Variants in KCNQ1 observed in about 807,000 individuals in gnomAD.
KCNQ1 encodes the protein potassium voltage-gated channel subfamily Q member 1, also known as potassium voltage-gated channel subfamily KQT member 1.
KCNQ1 carries 49 observed loss-of-function variants against 72.4 expected under a neutral mutation model. That is an observed-to-expected ratio of 0.68 (90% CI 0.54 to 0.86). The LOEUF (loss-of-function observed/expected upper bound fraction) is 0.86, where lower values mean the gene tolerates loss of function less well. Ranked by LOEUF, KCNQ1 falls within the 40% of genes least tolerant of loss-of-function variation. The probability of loss-of-function intolerance (pLI) is 0.00; values close to 1 mark genes in which losing one functional copy is unlikely to be tolerated. For missense variants in KCNQ1, 790 were observed against 945.1 expected (o/e 0.84, Z 2.15); for synonymous variants, 450 against 412.6 (o/e 1.09, Z -1.10).
At position 2,585,321 on chromosome 11, in the gene KCNQ1, A is replaced by G; in HGVS notation, c.1128+14A>G. On this transcript the variant is annotated intron_variant, in intron 8 of 15. Coordinates refer to ENST00000155840, the MANE Select transcript of KCNQ1 (RefSeq NM_000218.3). ...TCACTCATTCAGGTGCGGTGCCTGC[A>G]AGGCCCTGGTCACTGTCATTTTGGT... is the stretch of plus-strand genomic sequence containing the variant. 1.9e-6 allele frequency: 3 copies of G among 1,609,138 alleles called. No homozygotes were observed. The highest frequency in any genetic ancestry group is 2.6e-6 in the Non-Finnish European group (3 of 1,175,770).
intron 11 of KCNQ1, chr11:2,666,556 C>T: frequency 7.5e-6 from 3 of 398,692 alleles, no homozygotes; most frequent in Admixed American, 8.8e-5. Flanking sequence ...CTCCTGAATT[C>T]TGCATTTGTC....
At chr11:2,806,985 G>A (rs527750415) in intron 15 of KCNQ1, among the ~76,000 whole-genome samples, 51 of 152,304 alleles carry the variant, frequency 3.3e-4, no homozygotes, top group East Asian at 2.3e-3. Context: ...GGGCTGGGGC[G>A]TAGCCCCTCT....
At chr11:2,733,908 G>A (rs1408701268) in intron 11 of KCNQ1, among the ~76,000 whole-genome samples, 3 of 135,182 alleles carry the variant, frequency 2.2e-5, no homozygotes, top group Admixed American at 8.0e-5. Flanking sequence ...CCTGCCAGGC[G>A]CACCACCCCC....
At chr11:2,556,967 C>T (rs1589948801) in intron 2 of KCNQ1, among the ~76,000 whole-genome samples, 3 of 152,328 alleles carry the variant, frequency 2.0e-5, no homozygotes, top group African/African-American at 4.8e-5. Flanking sequence ...CAAATGCCTC[C>T]AACTTCACAC....
Position 2,507,860 on chromosome 11 carries a change from G to A in KCNQ1, c.387-20068G>A, listed in dbSNP as rs74048646. 9.0e-3 allele frequency among the ~76,000 whole-genome samples: 1,368 copies of A among 152,238 alleles called. 27 individuals carry two copies. The highest frequency in any genetic ancestry group is 0.031 in the African/African-American group (1,307 of 41,528). ...GCAAGGAAGGCAAGTCCGGGAGGTT[G>A]GGTGTCCTGCAGCCTCCACAGGGGC... On this transcript the variant is annotated intron_variant, in intron 1 of 15. Transcript: ENST00000155840. The surrounding 1 kb of genome is among the most constrained non-coding windows in gnomAD (Gnocchi z 5.4).
At chr11:2,708,708 G>A (rs944158919) in intron 11 of KCNQ1, among the ~76,000 whole-genome samples, 7 of 151,840 alleles carry the variant, frequency 4.6e-5, no homozygotes, top group African/African-American at 1.2e-4. Context: ...CAGTTTATAC[G>A]CGGGTTGCGG....
At chr11:2,844,852 T>C (rs80095811) in intron 15 of KCNQ1, among the ~76,000 whole-genome samples, 1,983 of 152,296 alleles carry the variant, frequency 0.013, 39 homozygotes, top group African/African-American at 0.046. Context: ...GCCAAACCAA[T>C]TGATACCCAA....
At chr11:2,755,212 A>G (rs1365880899) in intron 11 of KCNQ1, among the ~76,000 whole-genome samples, 5 of 152,028 alleles carry the variant, frequency 3.3e-5, no homozygotes, top group African/African-American at 9.7e-5. Flanking sequence ...CTCTCTGACC[A>G]CAGCCAGGAA....
chr11:2,744,500 G>C (rs1246760377), intron 11 of KCNQ1, among the ~76,000 whole-genome samples: 1 of 152,248 alleles, frequency 6.6e-6, no homozygotes, highest in Non-Finnish European at 1.5e-5. Flanking sequence ...CTGACGCAGA[G>C]CCGGCACATG....
In KCNQ1 at chr11:2,645,330, G is replaced by A. The variant is rs998423976; in HGVS notation, c.1394-16631G>A. 18 of 398,632 alleles carry A rather than the reference G, an allele frequency of 4.5e-5. No individual in the cohort carries two copies. Among genetic ancestry groups the A allele is most frequent in the African/African-American group, 3.3e-4 (16 of 48,624 alleles). The allele number at this position is 398,632 out of a possible 1,614,324, so 24.7% of individuals were successfully genotyped here. ...TGCCAACAATACTGGATAGGGCAGG[G>A]TGATCCCTAGGCCCAGAGATGGTAT... On this transcript the variant is annotated intron_variant, in intron 10 of 15. Transcript: ENST00000155840. The surrounding 1 kb of genome is among the most constrained non-coding windows in gnomAD (Gnocchi z 5.8).
chr11:2,588,422 T>C lies in KCNQ1; in HGVS notation c.1252-291T>C, dbSNP rs576906619. On this transcript the variant is annotated intron_variant, in intron 9 of 15. Coordinates refer to ENST00000155840, the MANE Select transcript of KCNQ1 (RefSeq NM_000218.3). This position sits in a 1 kb window ranked among gnomAD's most constrained non-coding sequence, Gnocchi z 5.6. Reference sequence around the variant, plus strand: ...ATTCTCCCCTACTGGTCACAGCCCCTGTTACCACCTCCACTGGCACCATCT... The same window carrying C: ...ATTCTCCCCTACTGGTCACAGCCCCCGTTACCACCTCCACTGGCACCATCT... Among the ~76,000 whole-genome samples the C allele has an allele frequency of 8.7e-4, 132 of 152,300 alleles. No individual in the cohort carries two copies. The highest frequency in any genetic ancestry group is 2.8e-3 in the African/African-American group (117 of 41,562).
chr11:2,671,382 C>G lies in KCNQ1; in HGVS notation c.1514+9301C>G, dbSNP rs942461511. Reference sequence around the variant, plus strand: ...ATATCCTGAAAAAGGTACAGGAACACCTGGCATGCCTCTCCCAGGGTACTC... The same window carrying G: ...ATATCCTGAAAAAGGTACAGGAACAGCTGGCATGCCTCTCCCAGGGTACTC... On this transcript the variant is annotated intron_variant, in intron 11 of 15. Coordinates refer to ENST00000155840, the MANE Select transcript of KCNQ1 (RefSeq NM_000218.3). The surrounding 1 kb of genome is among the most constrained non-coding windows in gnomAD (Gnocchi z 4.7). The G allele has an allele frequency of 2.3e-5, 9 of 398,460 alleles. No individual in the cohort carries two copies. The highest frequency in any genetic ancestry group is 4.0e-5 in the Non-Finnish European group (9 of 226,080). The allele number at this position is 398,460 out of a possible 1,614,324, so 24.7% of individuals were successfully genotyped here.
chr11:2,775,769 C>T (rs1323126413), intron 12 of KCNQ1, among the ~76,000 whole-genome samples, 191 bp from the exon 13 acceptor site: 1 of 152,194 alleles, frequency 6.6e-6, no homozygotes, highest in African/African-American at 2.4e-5. Flanking sequence ...TACCCAGAGA[C>T]CCATGGCCAA....
rs552495591 is a variant in KCNQ1 at position 2,617,778 on chromosome 11, C to A, written c.1393+28924C>A. The A allele has an allele frequency of 2.5e-6, 1 of 398,308 alleles. No individual in the cohort carries two copies. 24.7% of individuals were successfully genotyped at this position (398,308 alleles called of 1,614,324 possible). ...GTAATTTTGATTTGCATTTCCCTGACGATTAGTGATGTTAAATGTCTTTTC... is the reference window on the plus strand; with the variant it reads ...GTAATTTTGATTTGCATTTCCCTGAAGATTAGTGATGTTAAATGTCTTTTC... On this transcript the variant is annotated intron_variant, in intron 10 of 15. Coordinates refer to ENST00000155840, the MANE Select transcript of KCNQ1 (RefSeq NM_000218.3). The surrounding 1 kb of genome is among the most constrained non-coding windows in gnomAD (Gnocchi z 4.6).
In KCNQ1 at chr11:2,734,635, T is replaced by C. The variant is rs1309512558; in HGVS notation, c.1515-34209T>C. On this transcript the variant is annotated intron_variant, in intron 11 of 15. Transcript: ENST00000155840. This position sits in a 1 kb window ranked among gnomAD's most constrained non-coding sequence, Gnocchi z 7.0. Reference sequence around the variant, plus strand: ...TCCGAGGCCCTGAAGGACTGGAGAGTAGGAGCAGGTCTCGGGGGTAGCTTC... The same window carrying C: ...TCCGAGGCCCTGAAGGACTGGAGAGCAGGAGCAGGTCTCGGGGGTAGCTTC... Among the ~76,000 whole-genome samples the C allele has an allele frequency of 6.9e-6, 1 of 143,982 alleles. No individual in the cohort carries two copies. Among genetic ancestry groups the C allele is most frequent in the Non-Finnish European group, 1.5e-5 (1 of 65,810 alleles). 94.5% of individuals were successfully genotyped at this position (143,982 alleles called of 152,430 possible).
chr11:2,478,674 TG>T lies in KCNQ1; in HGVS notation c.386+33194del, dbSNP rs1846609426. Among the ~76,000 whole-genome samples the T allele has an allele frequency of 6.6e-6, 1 of 152,070 alleles. No individual in the cohort carries two copies. Reference sequence around the variant, plus strand: ...GCTACAATTCACGATGAGATTTGGGTGGGGACACAGCCAAACCATATCATTC... The same window carrying T: ...GCTACAATTCACGATGAGATTTGGGTGGGACACAGCCAAACCATATCATTC... On this transcript the variant is annotated intron_variant, in intron 1 of 15. Transcript: ENST00000155840. This position sits in a 1 kb window ranked among gnomAD's most constrained non-coding sequence, Gnocchi z 4.0.
intron 11 of KCNQ1, among the ~76,000 whole-genome samples, chr11:2,736,934 C>T (rs1041531331): frequency 1.3e-5 from 2 of 152,162 alleles, no homozygotes; most frequent in Non-Finnish European, 2.9e-5. Context: ...AAGTGCCAGC[C>T]GAGGGTGGCT....
At position 2,723,950 on chromosome 11, in the gene KCNQ1, G is replaced by T. The variant is rs1313381130; in HGVS notation, c.1515-44894G>T. Reference sequence around the variant, plus strand: ...CATCTCAGCCTTTGTATCTGCCGTGGGCGTGGAGGCATTTACTCTTTTCAC... The same window carrying T: ...CATCTCAGCCTTTGTATCTGCCGTGTGCGTGGAGGCATTTACTCTTTTCAC... On this transcript the variant is annotated intron_variant, in intron 11 of 15. Coordinates refer to ENST00000155840, the MANE Select transcript of KCNQ1 (RefSeq NM_000218.3). The surrounding 1 kb of genome is among the most constrained non-coding windows in gnomAD (Gnocchi z 4.2). 2.0e-5 allele frequency among the ~76,000 whole-genome samples: 3 copies of T among 152,208 alleles called. No individual in the cohort carries two copies. Among genetic ancestry groups the T allele is most frequent in the Non-Finnish European group, 2.9e-5 (2 of 68,040 alleles).
At chr11:2,733,814 A>ACACACTCT in intron 11 of KCNQ1, among the ~76,000 whole-genome samples, 29 of 86,654 alleles carry the variant, frequency 3.3e-4, no homozygotes, top group South Asian at 1.5e-3. Context: ...ACACACACAC[A>ACACACTCT]CTCTCTCACT....
Sources: allele counts gnomAD v4.1 joint callset (sites outside exome capture counted in the v4.1 genomes callset), GRCh38; gene constraint gnomAD v4.1.1; non-coding constraint Gnocchi (gnomAD v3.1); transcripts MANE v1.5; gene names NCBI Gene and HGNC (gene_info 2026-07-23, HGNC 2026-07-21).